The following NR4A1 variants were observed in gnomAD, a reference collection of about 807,000 sequenced individuals.
The protein encoded by NR4A1 is nuclear receptor subfamily 4 group A member 1, also known as nuclear receptor subfamily 4immunitygroup A member 1.
NR4A1 carries 24 observed loss-of-function variants against 47.5 expected under a neutral mutation model. The observed-to-expected ratio is 0.50, with a 90% CI of 0.37 to 0.71. NR4A1 has a LOEUF of 0.71. Ranked by LOEUF, NR4A1 falls within the 30% of genes least tolerant of loss-of-function variation. The pLI is 0.00. For synonymous variants in NR4A1, 353 were observed against 345.7 expected, an observed-to-expected ratio of 1.02 and a Z score of -0.24; for missense variants, 669 against 788.6, an observed-to-expected ratio of 0.85 and a Z score of 1.82.
intron 1 of NR4A1, among the ~76,000 whole-genome samples, chr12:52,029,747 C>T (rs904959936): frequency 4.6e-5 from 7 of 152,182 alleles, no homozygotes; most frequent in Admixed American, 3.9e-4. Context: ...AATACCTACC[C>T]CTCTGCCATA....
intron 1 of NR4A1, among the ~76,000 whole-genome samples, chr12:52,030,534 T>C (rs1004997281): frequency 1.3e-5 from 2 of 152,236 alleles, no homozygotes; most frequent in African/African-American, 4.8e-5. Context: ...GTTCAAGTGG[T>C]TCTCCTGCCT....
chr12:52,045,358 G>A, intron 2 of NR4A1: 1 of 307,570 alleles, frequency 3.3e-6, no homozygotes. Context: ...CCGAGTGTGG[G>A]ACTTGAGTAT....
At position 52,054,461 on chromosome 12, in the gene NR4A1, G is replaced by A. The variant is rs773192468; in HGVS notation, c.133G>A (p.Ala45Thr). The stretch of plus-strand genomic sequence containing the variant: ...CCTGGCCAGCCCCGAGGCAGCCCCC[G>A]CTGCCCCCACTGCCCTGCCCAGCTT... ...MDLASPEAAP[A>T]APTALPSFST... The change falls in exon 2 of 7, where the codon GCT (alanine) becomes ACT (threonine). Residue 45 changes from alanine to threonine, a missense_variant. Physicochemically the swap from Ala to Thr is moderately conservative, Grantham distance 58. Transcript: ENST00000394825. 3.7e-6 allele frequency: 6 copies of A among 1,613,418 alleles called. No individual in the cohort carries two copies. The highest frequency in any genetic ancestry group is 1.1e-5 in the South Asian group (1 of 91,072).
At chr12:52,051,259 C>T (rs1012763579), upstream of NR4A1, 10 of 222,938 alleles carry the variant, frequency 4.5e-5, no homozygotes, top group African/African-American at 2.1e-4. Flanking sequence ...CAGGCCCCCC[C>T]TCCTCGCCCC....
At position 52,056,633 on chromosome 12, in the gene NR4A1, G is replaced by A. The variant is rs1262213186; in HGVS notation, c.1146G>A (p.Leu382=). 1 of 1,597,932 alleles carries A rather than the reference G, an allele frequency of 6.3e-7. No homozygotes were observed. The highest frequency in any genetic ancestry group is 8.5e-7 in the Non-Finnish European group (1 of 1,175,362). The change falls in exon 4 of 7, where the codon CTG becomes CTA. Residue 382 remains leucine (L), a synonymous_variant. Coordinates refer to ENST00000394825, the MANE Select transcript of NR4A1 (RefSeq NM_173157.3). ...HLDSGPSTAK[L]DYSKFQELVL... ...ACTCAGGGCCCAGCACTGCCAAACT[G>A]GACTACTCCAAGGTGAGGTCCCACC...
At position 52,023,569 on chromosome 12, in the gene NR4A1, C is replaced by T. The variant is rs369886897; in HGVS notation, c.-84+630C>T. On this transcript the variant is annotated intron_variant, in intron 1 of 7. Coordinates refer to the NR4A1 transcript ENST00000360284. ...CCCTCGCACTAGCCCGCCCCCACCC[C>T]GCCTCCATCTCGCGCTCCCAGCCGC... Among the ~76,000 whole-genome samples the T allele has an allele frequency of 1.8e-4, 28 of 152,258 alleles. No homozygotes were observed. In the South Asian group the frequency reaches 5.6e-3, roughly 30 times the overall value.
chr12:52,027,619 G>T (rs752092916), intron 1 of NR4A1, among the ~76,000 whole-genome samples: 1 of 152,230 alleles, frequency 6.6e-6, no homozygotes, highest in Non-Finnish European at 1.5e-5. Context: ...AAGGAAAGAG[G>T]AAGAGGAGCC....
At chr12:52,042,344 C>CT (rs1938471682) in intron 2 of NR4A1, among the ~76,000 whole-genome samples, 1 of 152,010 alleles carries the variant, frequency 6.6e-6, no homozygotes, top group Non-Finnish European at 1.5e-5. Context: ...GTAGACACTT[C>CT]TCCAGGTGAG....
upstream of NR4A1, chr12:52,051,335 C>G (rs1025770490): frequency 1.1e-6 from 1 of 942,402 alleles, no homozygotes; most frequent in Non-Finnish European, 1.3e-6. Flanking sequence ...CACCGCCCCC[C>G]GCGCCCTTGT....
intron 1 of NR4A1, among the ~76,000 whole-genome samples, chr12:52,023,366 C>T (rs373986628): frequency 6.6e-6 from 1 of 152,190 alleles, no homozygotes; most frequent in East Asian, 1.9e-4. Flanking sequence ...CTGGGCGTGC[C>T]GCCGCCGCGA....
upstream of NR4A1, among the ~76,000 whole-genome samples, chr12:52,047,209 C>T (rs1224107474): frequency 6.6e-6 from 1 of 152,196 alleles, no homozygotes; most frequent in Non-Finnish European, 1.5e-5. Flanking sequence ...TGACCTTGTT[C>T]TTGAAGGTTA....
Position 52,059,271 on chromosome 12 carries a change from G to T in NR4A1, c.*327G>T, listed in dbSNP as rs1200647455. 2.0e-5 allele frequency: 5 copies of T among 253,822 alleles called. No homozygotes were observed. The highest frequency in any genetic ancestry group is 3.7e-5 in the Non-Finnish European group (5 of 134,210). 15.7% of individuals were successfully genotyped at this position (253,822 alleles called of 1,614,324 possible). A position where few individuals can be genotyped will look rare whatever the true frequency, so the allele number is the denominator to read the frequency against. ...ATACAGGAAGAAAGAGCTTGAGGTG[G>T]GAGCGGGGCTGGGAGGAAGGGATGG... On this transcript the variant is annotated 3_prime_UTR_variant, in exon 7 of 7. Transcript: ENST00000394825.
intron 6 of NR4A1, chr12:52,058,359 G>T: frequency 3.2e-6 from 1 of 308,288 alleles, no homozygotes; most frequent in Non-Finnish European, 5.9e-6. Flanking sequence ...GAGTTCTGAG[G>T]CTGGGTTTCT....
Position 52,057,419 on chromosome 12 carries a change from C to T in NR4A1, c.1429C>T (p.Arg477Cys), listed in dbSNP as rs138496951. ...GGTGCTACACCGGCTGCAGTGTGCC[C>T]GTGGCTTCGGGGACTGGATTGACAG... ...GLVLHRLQCA[R>C]GFGDWIDSIL... Residue 477 changes from arginine (R) to cysteine (C), a missense_variant, in exon 6 of 7, where the codon CGT becomes TGT. Coordinates refer to ENST00000394825, the MANE Select transcript of NR4A1 (RefSeq NM_173157.3). 6.3e-5 allele frequency: 102 copies of T among 1,614,108 alleles called. No homozygotes were observed. Among genetic ancestry groups the T allele is most frequent in the Non-Finnish European group, 7.9e-5 (93 of 1,180,048 alleles).
intron 1 of NR4A1, chr12:52,037,028 T>C (rs892255792): frequency 6.7e-6 from 1 of 150,364 alleles, no homozygotes; most frequent in African/African-American, 2.5e-5. Context: ...CTCGCGGCTA[T>C]TCCGGGCGCC....
chr12:52,035,138 C>A (rs905100180), intron 1 of NR4A1, among the ~76,000 whole-genome samples: 1 of 152,182 alleles, frequency 6.6e-6, no homozygotes, highest in Non-Finnish European at 1.5e-5. Context: ...GTACAAGGTA[C>A]CTCCACATCT....
In NR4A1 at chr12:52,058,309, A is replaced by G. The variant is rs532224989; in HGVS notation, c.1541-379A>G. 9.0e-4 allele frequency: 188 copies of G among 209,708 alleles called. 1 individual carries two copies. Among genetic ancestry groups the G allele is most frequent in the African/African-American group, 4.1e-3 (178 of 43,514 alleles). 13.0% of individuals were successfully genotyped at this position (209,708 alleles called of 1,614,324 possible). The stretch of plus-strand genomic sequence containing the variant: ...TAAATTGCACAGGGGACCCAACGAT[A>G]TAGAACACAATCAGAGGTACTCTGG... On this transcript the variant is annotated intron_variant, in intron 6 of 6. Coordinates refer to ENST00000394825, the MANE Select transcript of NR4A1 (RefSeq NM_173157.3).
chr12:52,023,544 C>T (rs1937932188), intron 1 of NR4A1, among the ~76,000 whole-genome samples: 1 of 152,152 alleles, frequency 6.6e-6, no homozygotes, highest in Admixed American at 6.5e-5. Flanking sequence ...CGGGACCTTC[C>T]CCTCGCACTA....
In NR4A1 at chr12:52,054,537, A is replaced by G. The variant is rs766798738; in HGVS notation, c.209A>G (p.Gln70Arg). The G allele has an allele frequency of 1.2e-6, 2 of 1,613,952 alleles. No individual in the cohort carries two copies. The highest frequency in any genetic ancestry group is 1.1e-5 in the South Asian group (1 of 91,082). ...YTGEFDTFLYQLPGTVQPCSS... is the reference protein window; with the variant it reads ...YTGEFDTFLYRLPGTVQPCSS... Reference sequence around the variant, plus strand: ...GGAGAGTTTGACACCTTCCTCTACCAGCTGCCAGGAACAGTCCAGCCATGC... The same window carrying G: ...GGAGAGTTTGACACCTTCCTCTACCGGCTGCCAGGAACAGTCCAGCCATGC... The change falls in exon 2 of 7, where the codon CAG becomes CGG. Residue 70 changes from glutamine to arginine, a missense_variant. Gln to Arg is a conservative substitution (Grantham distance 43, BLOSUM62 1). Coordinates refer to ENST00000394825, the MANE Select transcript of NR4A1 (RefSeq NM_173157.3).
Sources: allele counts gnomAD v4.1 joint callset (sites outside exome capture counted in the v4.1 genomes callset), GRCh38; gene constraint gnomAD v4.1.1; transcripts MANE v1.5; gene names NCBI Gene and HGNC (gene_info 2026-07-23, HGNC 2026-07-21).